Variants in PFKFB3 observed in about 807,000 individuals in gnomAD.
PFKFB3 encodes the protein 6-phosphofructo-2-kinase/fructose-2,6-biphosphatase 3.
A neutral mutation model predicts 68.0 loss-of-function variants in PFKFB3; 33 were observed. That is an observed-to-expected ratio of 0.49 (90% CI 0.37 to 0.65). The LOEUF (loss-of-function observed/expected upper bound fraction) is 0.65, where lower values mean the gene tolerates loss of function less well. PFKFB3 is among the 30% of genes least tolerant of loss of function. The probability of loss-of-function intolerance (pLI) is 0.00; values close to 1 mark genes in which losing one functional copy is unlikely to be tolerated. For missense variants in PFKFB3, 586 were observed against 712.2 expected (o/e 0.82, Z 2.02); for synonymous variants, 315 against 288.2 (o/e 1.09, Z -0.94).
chr10:6,161,472 C>T (rs1202039343), intron 1 of PFKFB3, among the ~76,000 whole-genome samples: 1 of 151,884 alleles, frequency 6.6e-6, no homozygotes, highest in Non-Finnish European at 1.5e-5. Context: ...TCCCAATAAT[C>T]TTTATAAAAA....
At chr10:6,240,672 C>T (rs573937334) in intron 14 of PFKFB3, among the ~76,000 whole-genome samples, 45 of 152,260 alleles carry the variant, frequency 3.0e-4, no homozygotes, top group Admixed American at 1.5e-3. Flanking sequence ...ACATGGTACC[C>T]TTGTCAAAAC....
At chr10:6,163,701 C>A (rs1285012844) in intron 1 of PFKFB3, 1 of 95,620 alleles carries the variant, frequency 1.0e-5, no homozygotes, top group South Asian at 3.2e-4. Context: ...GCGGGACCGG[C>A]GGGGGCGGGG....
the PFKFB3 span, among the ~76,000 whole-genome samples, chr10:6,324,453 G>A: frequency 6.6e-6 from 1 of 152,084 alleles, no homozygotes; most frequent in South Asian, 2.1e-4. Flanking sequence ...TTGAGACTGT[G>A]TCTTGCTCTG....
At chr10:6,326,361 G>A in the PFKFB3 span, among the ~76,000 whole-genome samples, 13 of 152,248 alleles carry the variant, frequency 8.5e-5, no homozygotes, top group South Asian at 2.5e-3. Context: ...TACGTGACGG[G>A]TTGATAGGAG....
At chr10:6,192,852 C>G (rs1843071087) in intron 1 of PFKFB3, among the ~76,000 whole-genome samples, 1 of 150,012 alleles carries the variant, frequency 6.7e-6, no homozygotes. Flanking sequence ...GATTGGTTGA[C>G]CTAATACTTT....
At chr10:6,231,841 G>A (rs1042754140) in intron 14 of PFKFB3, among the ~76,000 whole-genome samples, 2 of 150,524 alleles carry the variant, frequency 1.3e-5, no homozygotes, top group Admixed American at 6.6e-5. Flanking sequence ...ATCACCTCCC[G>A]GTGGGCACCC....
chr10:6,226,941 C>A (rs1193390686), intron 14 of PFKFB3, among the ~76,000 whole-genome samples: 1 of 152,116 alleles, frequency 6.6e-6, no homozygotes, highest in African/African-American at 2.4e-5. Context: ...CAGAAATTAG[C>A]CAGGTGTGGA....
At chr10:6,174,734 G>A (rs1428059126) in intron 1 of PFKFB3, among the ~76,000 whole-genome samples, 2 of 152,216 alleles carry the variant, frequency 1.3e-5, no homozygotes, top group African/African-American at 2.4e-5. Flanking sequence ...GCCCTCCCAC[G>A]GCTCTGCTGG....
the PFKFB3 span, among the ~76,000 whole-genome samples, chr10:6,268,910 C>A: frequency 6.7e-6 from 1 of 149,582 alleles, no homozygotes; most frequent in Non-Finnish European, 1.5e-5. Context: ...GTAGTCCCAG[C>A]TATTTGGGAG....
intron 1 of PFKFB3, among the ~76,000 whole-genome samples, chr10:6,195,954 C>T (rs1456774076): frequency 1.3e-5 from 2 of 152,158 alleles, no homozygotes; most frequent in Non-Finnish European, 1.5e-5. Context: ...TACTCTACCC[C>T]TCCCCTTGTT....
intron 1 of PFKFB3, among the ~76,000 whole-genome samples, chr10:6,177,398 T>TTCTTTCTTTCTTTC (rs1842519377): frequency 6.8e-6 from 1 of 146,368 alleles, no homozygotes; most frequent in South Asian, 2.2e-4. Flanking sequence ...CTTTCTTTCT[T>TTCTTTCTTTCTTTC]TCTTTCTTTC....
rs1437178379 is a variant in PFKFB3 at position 6,215,133 on chromosome 10, T to G, written c.203-88T>G. On this transcript the variant is annotated intron_variant, in intron 2 of 14. Coordinates refer to ENST00000379775, the MANE Select transcript of PFKFB3 (RefSeq NM_004566.4). The surrounding 1 kb of genome is among the most constrained non-coding windows in gnomAD (Gnocchi z 4.3). ...AAGTCGGTGTGGTTGGCCTGGTGGC[T>G]CTTCCTTTGGTCGATCCTATGGTCC... The G allele has an allele frequency of 8.9e-7, 1 of 1,126,716 alleles. No homozygotes were observed. The highest frequency in any genetic ancestry group is 1.5e-5 in the African/African-American group (1 of 65,322). 69.8% of individuals were successfully genotyped at this position (1,126,716 alleles called of 1,614,324 possible). A position where few individuals can be genotyped will look rare whatever the true frequency, so the allele number is the denominator to read the frequency against.
chr10:6,258,178 T>G (rs983786934), downstream of PFKFB3, among the ~76,000 whole-genome samples: 1 of 152,190 alleles, frequency 6.6e-6, no homozygotes, highest in African/African-American at 2.4e-5. Context: ...ATATATATTT[T>G]GATCTTATTT....
At chr10:6,285,455 A>G in the PFKFB3 span, among the ~76,000 whole-genome samples, 1 of 151,686 alleles carries the variant, frequency 6.6e-6, no homozygotes, top group Non-Finnish European at 1.5e-5. Context: ...CTGGTCTCAA[A>G]CTCCTGCCCT....
At chr10:6,279,593 G>C in the PFKFB3 span, among the ~76,000 whole-genome samples, 1 of 152,076 alleles carries the variant, frequency 6.6e-6, no homozygotes, top group African/African-American at 2.4e-5. Context: ...CTGGGGTCAC[G>C]TTTGGGGGAA....
chr10:6,236,568 C>T (rs1846016812), downstream of PFKFB3, among the ~76,000 whole-genome samples: 1 of 152,204 alleles, frequency 6.6e-6, no homozygotes, highest in South Asian at 2.1e-4. Flanking sequence ...GAGATGACTC[C>T]CAGGGTTGCG....
the PFKFB3 span, among the ~76,000 whole-genome samples, chr10:6,289,307 A>C: frequency 6.6e-6 from 1 of 151,384 alleles, no homozygotes; most frequent in Non-Finnish European, 1.5e-5. Context: ...GGTAATGCCT[A>C]GGTTTTCTTC....
chr10:6,309,638 C>T, the PFKFB3 span, among the ~76,000 whole-genome samples: 90 of 151,884 alleles, frequency 5.9e-4, 1 homozygote, highest in East Asian at 0.016. Flanking sequence ...TCACCCCCGC[C>T]GGCCACCAGC....
chr10:6,279,216 TTTTAAG>T, the PFKFB3 span, among the ~76,000 whole-genome samples: 1 of 152,232 alleles, frequency 6.6e-6, no homozygotes, highest in Non-Finnish European at 1.5e-5. Flanking sequence ...ATGGTTAAAT[TTTTAAG>T]TCATGTAAAT....
Sources: allele counts gnomAD v4.1 joint callset (sites outside exome capture counted in the v4.1 genomes callset), GRCh38; gene constraint gnomAD v4.1.1; non-coding constraint Gnocchi (gnomAD v3.1); transcripts MANE v1.5; gene names NCBI Gene and HGNC (gene_info 2026-07-23, HGNC 2026-07-21).